Variants in CCDC110 observed in about 807,000 individuals in gnomAD.
CCDC110 encodes the protein coiled-coil domain containing 110, also known as coiled-coil domain-containing protein 110.
In CCDC110, 70 loss-of-function variants were observed where a neutral mutation model predicts 77.1. The ratio of observed to expected loss-of-function variants is 0.91; its 90% CI spans 0.75 to 1.11. The LOEUF (loss-of-function observed/expected upper bound fraction) is 1.11, where lower values mean the gene tolerates loss of function less well. Among genes scored for constraint, CCDC110 ranks in the 50% least tolerant of loss-of-function variants. CCDC110 has a pLI of 0.00. For missense variants in CCDC110, 868 were observed against 942.9 expected, an observed-to-expected ratio of 0.92 and a Z score of 1.04; for synonymous variants, 295 against 312.5, an observed-to-expected ratio of 0.94 and a Z score of 0.59.
intron 6 of CCDC110, among the ~76,000 whole-genome samples, chr4:185,450,151 A>G (rs2153317641): frequency 6.6e-6 from 1 of 152,338 alleles, no homozygotes; most frequent in Non-Finnish European, 1.5e-5. Context: ...TGATATAGTG[A>G]GGCAAATGCT....
chr4:185,449,574 T>A, intron 6 of CCDC110: 1 of 1,466,950 alleles, frequency 6.8e-7, no homozygotes, highest in Non-Finnish European at 9.3e-7. Context: ...AAAATTAATG[T>A]GTGTTTATTT....
intron 2 of CCDC110, among the ~76,000 whole-genome samples, chr4:185,464,377 G>A (rs2095651776): frequency 6.6e-6 from 1 of 152,108 alleles, no homozygotes; most frequent in Non-Finnish European, 1.5e-5. Context: ...GAGGGAGAGC[G>A]AGTCTGTCTG....
At position 185,457,261 on chromosome 4, in the gene CCDC110, G is replaced by A. The variant is rs1488493568; in HGVS notation, c.2461+865C>T. 8 of 456,158 alleles carry A rather than the reference G, an allele frequency of 1.8e-5. No individual in the cohort carries two copies. The East Asian group carries it at 5.6e-4, about 32-fold the overall frequency. 28.3% of individuals were successfully genotyped at this position (456,158 alleles called of 1,614,324 possible). On this transcript the variant is annotated intron_variant, in intron 6 of 6. Transcript: ENST00000307588. Reference sequence around the variant, plus strand: ...TGTCTCTGGAGCACAGAACAGGTGTGCTTGCAACCTTGGAAGCTAGAGATT... The same window carrying A: ...TGTCTCTGGAGCACAGAACAGGTGTACTTGCAACCTTGGAAGCTAGAGATT...
At position 185,459,611 on chromosome 4, in the gene CCDC110, TG is replaced by T; in HGVS notation, c.975del (p.Phe325LeufsTer47). On this transcript the variant is annotated frameshift_variant, in exon 6 of 7. Transcript: ENST00000307588. LOFTEE classifies it high-confidence loss of function. The part of the protein sequence containing the change: ...LEALVKKLLP[F>X]RETVSKFHVH... ...ACATGGAATTTTGACACAGTTTCCC[TG>T]AAGGGGAGTAATTTCTTCACTAATG... 1 of 1,612,938 alleles carries T rather than the reference TG, an allele frequency of 6.2e-7. No individual in the cohort carries two copies. Among genetic ancestry groups the T allele is most frequent in the Non-Finnish European group, 8.5e-7 (1 of 1,179,656 alleles).
chr4:185,471,069 G>C lies in CCDC110; in HGVS notation c.11-20C>G. On this transcript the variant is annotated intron_variant, in intron 1 of 6. Transcript: ENST00000307588. Reference sequence around the variant, plus strand: ...GCTTTTCTGTAACAGAACCGTCCGGGGCTGTTCTGTCGCGGGTCGTGGCGT... The same window carrying C: ...GCTTTTCTGTAACAGAACCGTCCGGCGCTGTTCTGTCGCGGGTCGTGGCGT... The C allele has an allele frequency of 6.7e-7, 1 of 1,487,266 alleles. No individual in the cohort carries two copies. The highest frequency in any genetic ancestry group is 9.0e-7 in the Non-Finnish European group (1 of 1,113,972). 92.1% of individuals were successfully genotyped at this position (1,487,266 alleles called of 1,614,324 possible).
chr4:185,452,290 T>C (rs2095630310), intron 6 of CCDC110: 1 of 985,326 alleles, frequency 1.0e-6, no homozygotes, highest in Non-Finnish European at 1.2e-6. Flanking sequence ...CCATCGTCAA[T>C]GAGTAATGGA....
chr4:185,467,103 G>C (rs2095657666), intron 2 of CCDC110, among the ~76,000 whole-genome samples: 2 of 152,190 alleles, frequency 1.3e-5, no homozygotes, highest in Non-Finnish European at 2.9e-5. Flanking sequence ...GAGTGAAATA[G>C]CTTTTTTGCA....
At chr4:185,449,202 T>A (rs1484417217) in intron 6 of CCDC110, among the ~76,000 whole-genome samples, 4 of 152,206 alleles carry the variant, frequency 2.6e-5, no homozygotes, top group African/African-American at 9.6e-5. Context: ...TTGTTTTAAA[T>A]TTTTTAATGA....
intron 2 of CCDC110, among the ~76,000 whole-genome samples, chr4:185,465,538 A>G (rs1232360741): frequency 6.6e-6 from 1 of 152,222 alleles, no homozygotes; most frequent in East Asian, 1.9e-4. Flanking sequence ...TCGGAGCAGG[A>G]GACAGGGGCT....
intron 2 of CCDC110, among the ~76,000 whole-genome samples, chr4:185,466,219 C>CA (rs775668323): frequency 1.3e-4 from 19 of 151,912 alleles, no homozygotes; most frequent in East Asian, 5.8e-4. Context: ...ACTAAAAATA[C>CA]AAAAAATTTG....
At chr4:185,446,000 C>G (rs1281081282) in intron 6 of CCDC110, among the ~76,000 whole-genome samples, 1 of 152,116 alleles carries the variant, frequency 6.6e-6, no homozygotes, top group Non-Finnish European at 1.5e-5. Context: ...CAACACCACA[C>G]CCGGCTAATT....
intron 2 of CCDC110, among the ~76,000 whole-genome samples, chr4:185,466,239 G>A (rs549859032): frequency 1.3e-5 from 2 of 152,184 alleles, no homozygotes; most frequent in African/African-American, 4.8e-5. Context: ...GCTGGGTGTG[G>A]TGGCATGTGC....
rs763894927 is a variant in CCDC110 at position 185,468,895 on chromosome 4, T to G, written c.115+2050A>C. ...ATGTGGGCAGGGAATCTTGCAAGTC[T>G]TGTTCACTGTTGGATCCCCAGCACC... is the stretch of plus-strand genomic sequence containing the variant. On this transcript the variant is annotated intron_variant, in intron 2 of 6. Coordinates refer to ENST00000307588, the MANE Select transcript of CCDC110 (RefSeq NM_152775.4). This position sits in a 1 kb window ranked among gnomAD's most constrained non-coding sequence, Gnocchi z 4.5. 2.6e-5 allele frequency among the ~76,000 whole-genome samples: 4 copies of G among 152,234 alleles called. No homozygotes were observed. Among genetic ancestry groups the G allele is most frequent in the Non-Finnish European group, 4.4e-5 (3 of 68,038 alleles).
intron 6 of CCDC110, chr4:185,457,604 C>T (rs977209204): frequency 1.8e-5 from 9 of 487,488 alleles, no homozygotes; most frequent in South Asian, 3.6e-5. Context: ...ATCTCAGATT[C>T]GCCACCGTTC....
chr4:185,455,813 G>A (rs1436781863), intron 6 of CCDC110, among the ~76,000 whole-genome samples: 5 of 152,080 alleles, frequency 3.3e-5, no homozygotes, highest in Non-Finnish European at 5.9e-5. Flanking sequence ...AACCCAGGAG[G>A]TGGAGGTTGC....
In CCDC110 at chr4:185,445,393, C is replaced by T. The variant is rs866802767; in HGVS notation, c.*109G>A. On this transcript the variant is annotated 3_prime_UTR_variant, in exon 7 of 7. Transcript: ENST00000307588. ...CATAATTTTTAAAGCAAATATATAG[C>T]GCCTCATTATGAGTCATTTGAGATG... 2.0e-5 allele frequency: 17 copies of T among 842,240 alleles called. No individual in the cohort carries two copies. Among genetic ancestry groups the T allele is most frequent in the South Asian group, 1.3e-4 (8 of 59,760 alleles). 52.2% of individuals were successfully genotyped at this position (842,240 alleles called of 1,614,324 possible).
rs2095659768 is a variant in CCDC110, at chr4:185,468,304, A to G, written c.115+2641T>C. On this transcript the variant is annotated intron_variant, in intron 2 of 6. Coordinates refer to ENST00000307588, the MANE Select transcript of CCDC110 (RefSeq NM_152775.4). The surrounding 1 kb of genome is among the most constrained non-coding windows in gnomAD (Gnocchi z 4.5). The stretch of plus-strand genomic sequence containing the variant: ...CAGTTTGTAGATAAAGCCCTTACTG[A>G]GGTGTACGAGGTGTACGGCACATAG... Among the ~76,000 whole-genome samples, 1 of 152,218 alleles carries G rather than the reference A, an allele frequency of 6.6e-6. No homozygotes were observed. Among genetic ancestry groups the G allele is most frequent in the Non-Finnish European group, 1.5e-5 (1 of 68,038 alleles).
intron 6 of CCDC110, among the ~76,000 whole-genome samples, chr4:185,446,150 A>T (rs1023147403): frequency 5.3e-5 from 8 of 152,182 alleles, no homozygotes; most frequent in African/African-American, 1.7e-4. Context: ...ACAAAGGTGT[A>T]TTTCTGATTG....
Position 185,459,859 on chromosome 4 carries a change from T to G in CCDC110, c.728A>C (p.His243Pro). The G allele has an allele frequency of 6.2e-7, 1 of 1,613,280 alleles. No individual in the cohort carries two copies. Among genetic ancestry groups the G allele is most frequent in the Non-Finnish European group, 8.5e-7 (1 of 1,179,758 alleles). ...GFCENLDDIC[H>P]SIKQMKEELQ... is the part of the protein sequence containing the mutation. Reference sequence around the variant, plus strand: ...CTCTTCTTTCATTTGTTTGATAGAATGGCAAATGTCATCTAAATTTTCACA... The same window carrying G: ...CTCTTCTTTCATTTGTTTGATAGAAGGGCAAATGTCATCTAAATTTTCACA... The change falls in exon 6 of 7, where the codon CAT (histidine) becomes CCT (proline). Residue 243 changes from histidine to proline, a missense_variant. Coordinates refer to ENST00000307588, the MANE Select transcript of CCDC110 (RefSeq NM_152775.4).
Sources: gnomAD v4.1 joint callset for allele counts (sites outside exome capture counted in the v4.1 genomes callset) on GRCh38, gnomAD v4.1.1 for gene constraint, Gnocchi (gnomAD v3.1) non-coding constraint, MANE v1.5 for transcripts, NCBI Gene and HGNC (gene_info 2026-07-23, HGNC 2026-07-21) for gene names.